PHIP: variants seen among roughly 807,000 people sequenced by gnomAD.
PHIP encodes the protein PH-interacting protein.
PHIP carries 54 observed loss-of-function variants against 236.8 expected under a neutral mutation model. That is an observed-to-expected ratio of 0.23 (90% CI 0.18 to 0.29). PHIP has a LOEUF of 0.29. Ranked by LOEUF, PHIP falls within the 10% of genes least tolerant of loss-of-function variation. The pLI is 1.00. For synonymous variants in PHIP, 756 were observed against 718.9 expected, an observed-to-expected ratio of 1.05 and a Z score of -0.83; for missense variants, 1,370 against 2,190.8, an observed-to-expected ratio of 0.63 and a Z score of 7.48.
intron 15 of PHIP, among the ~76,000 whole-genome samples, chr6:79,004,903 G>A (rs1358086163): frequency 6.6e-6 from 1 of 151,962 alleles, no homozygotes; most frequent in Non-Finnish European, 1.5e-5. Flanking sequence ...GATTTCTCAA[G>A]GAAGGTTTGC....
intron 9 of PHIP, among the ~76,000 whole-genome samples, chr6:79,022,134 C>T (rs557857116): frequency 6.6e-6 from 1 of 152,194 alleles, no homozygotes; most frequent in South Asian, 2.1e-4. Context: ...GGCCTTGGGC[C>T]GAGTTCAGTT....
intron 10 of PHIP, among the ~76,000 whole-genome samples, chr6:79,018,261 T>C (rs770093512): frequency 5.3e-5 from 8 of 151,962 alleles, no homozygotes; most frequent in Non-Finnish European, 1.0e-4. Context: ...GTATGATGCC[T>C]ATATTTGTAT....
chr6:79,062,792 T>C lies in PHIP; in HGVS notation c.190-1974A>G, dbSNP rs369745589. 3.3e-5 allele frequency among the ~76,000 whole-genome samples: 5 copies of C among 152,332 alleles called. No individual in the cohort carries two copies. In the East Asian group the frequency reaches 7.7e-4, roughly 23 times the overall value. Reference sequence around the variant, plus strand: ...AATTCCTTGTGCTTTCTCTGGCTTTTGAGACTTTATACAAGCTGATGCCTC... The same window carrying C: ...AATTCCTTGTGCTTTCTCTGGCTTTCGAGACTTTATACAAGCTGATGCCTC... On this transcript the variant is annotated intron_variant, in intron 4 of 39. Transcript: ENST00000275034.
intron 15 of PHIP, 34 bp from the exon 16 acceptor site, chr6:79,003,892 C>G: frequency 1.4e-6 from 2 of 1,466,546 alleles, no homozygotes; most frequent in Non-Finnish European, 1.9e-6. Flanking sequence ...AAGAAAACTA[C>G]CATTAAAATG....
chr6:78,990,775 T>C, intron 20 of PHIP, 93 bp downstream of exon 20: 1 of 657,032 alleles, frequency 1.5e-6, no homozygotes, highest in East Asian at 2.7e-5. Flanking sequence ...CATTAACCTG[T>C]TTATAATACC....
At chr6:78,993,740 A>T (rs959111381) in intron 19 of PHIP, among the ~76,000 whole-genome samples, 3 of 152,170 alleles carry the variant, frequency 2.0e-5, no homozygotes, top group Non-Finnish European at 2.9e-5. Flanking sequence ...CTAATCACCC[A>T]AGAGCTCTGA....
At chr6:79,030,460 G>A (rs1051217046) in intron 7 of PHIP, among the ~76,000 whole-genome samples, 4 of 152,168 alleles carry the variant, frequency 2.6e-5, no homozygotes, top group Middle Eastern at 3.2e-3. Context: ...AAACTTGAAA[G>A]TACAAAGTGT....
At chr6:79,065,276 A>C (rs1428380741) in intron 4 of PHIP, among the ~76,000 whole-genome samples, 1 of 152,220 alleles carries the variant, frequency 6.6e-6, no homozygotes, top group East Asian at 1.9e-4. Context: ...CCCCTACTTA[A>C]AACACTTCTG....
At chr6:79,050,347 A>G (rs1167375171) in intron 6 of PHIP, among the ~76,000 whole-genome samples, 1 of 152,164 alleles carries the variant, frequency 6.6e-6, no homozygotes, top group Non-Finnish European at 1.5e-5. Context: ...TTTGAGGTGG[A>G]TACTTCCATT....
intron 35 of PHIP, among the ~76,000 whole-genome samples, chr6:78,952,854 C>A (rs1041637745): frequency 3.3e-5 from 5 of 151,564 alleles, no homozygotes; most frequent in African/African-American, 1.2e-4. Flanking sequence ...AACTCAACAG[C>A]ATTTCTTTTT....
At chr6:78,972,438 C>T (rs999561434) in intron 24 of PHIP, among the ~76,000 whole-genome samples, 1 of 152,128 alleles carries the variant, frequency 6.6e-6, no homozygotes, top group Non-Finnish European at 1.5e-5. Flanking sequence ...AAAAACAGAA[C>T]AGAAAAACTG....
chr6:78,971,437 T>C (rs754913219), intron 24 of PHIP, among the ~76,000 whole-genome samples: 10 of 152,240 alleles, frequency 6.6e-5, no homozygotes, highest in Non-Finnish European at 1.5e-5. Flanking sequence ...GAACGTGTTT[T>C]AAAATGCTAA....
intron 23 of PHIP, among the ~76,000 whole-genome samples, chr6:78,981,805 T>C (rs953552167): frequency 6.6e-6 from 1 of 152,020 alleles, no homozygotes; most frequent in African/African-American, 2.4e-5. Context: ...TCAGACTACA[T>C]TTATCATCAC....
intron 6 of PHIP, among the ~76,000 whole-genome samples, chr6:79,045,915 T>C (rs1772461134): frequency 6.6e-6 from 1 of 152,212 alleles, no homozygotes; most frequent in Non-Finnish European, 1.5e-5. Flanking sequence ...CTTTTTTCAC[T>C]TGGCAAATTC....
At chr6:79,008,678 A>C (rs1770424654) in intron 15 of PHIP, among the ~76,000 whole-genome samples, 1 of 152,054 alleles carries the variant, frequency 6.6e-6, no homozygotes, top group South Asian at 2.1e-4. Context: ...TCCTGTCTCC[A>C]CGAGAAAGTA....
chr6:78,989,183 T>C (rs1424636567), intron 20 of PHIP, among the ~76,000 whole-genome samples: 2 of 152,230 alleles, frequency 1.3e-5, no homozygotes, highest in East Asian at 1.9e-4. Flanking sequence ...GGGAGGCCAA[T>C]GTGGGAGAAT....
intron 31 of PHIP, 142 bp downstream of exon 31, chr6:78,961,543 GAATAA>G: frequency 2.9e-6 from 2 of 701,092 alleles, no homozygotes; most frequent in Non-Finnish European, 4.6e-6. Context: ...CAAATCTACT[GAATAA>G]GATTCTACAT....
intron 24 of PHIP, among the ~76,000 whole-genome samples, chr6:78,972,196 G>A (rs1562138335): frequency 6.6e-6 from 1 of 152,220 alleles, no homozygotes; most frequent in Non-Finnish European, 1.5e-5. Flanking sequence ...CGGGCAGACT[G>A]CCTCCTCAAG....
chr6:78,952,069 C>A lies in PHIP; in HGVS notation c.4053+2745G>T, dbSNP rs1774192558. On this transcript the variant is annotated intron_variant, in intron 35 of 39. Transcript: ENST00000275034. ...TTCACTCTTATTCTAGGTAAAGATT[C>A]TTTTCTTGTATATCCCGATCAGGAA... is the stretch of plus-strand genomic sequence containing the variant. Among the ~76,000 whole-genome samples the A allele has an allele frequency of 3.3e-5, 5 of 152,082 alleles. No homozygotes were observed. In the South Asian group the frequency reaches 1.0e-3, roughly 32 times the overall value.
Sources: allele counts gnomAD v4.1 joint callset (sites outside exome capture counted in the v4.1 genomes callset), GRCh38; gene constraint gnomAD v4.1.1; transcripts MANE v1.5; gene names NCBI Gene and HGNC (gene_info 2026-07-23, HGNC 2026-07-21).